Variants in FN1 observed in about 807,000 individuals in gnomAD.
The protein encoded by FN1 is fibronectin 1.
In FN1, 106 loss-of-function variants were observed where a neutral mutation model predicts 297.3. That is an observed-to-expected ratio of 0.36 (90% CI 0.30 to 0.42). FN1 has a LOEUF of 0.42. Ranked by LOEUF, FN1 falls within the 10% of genes least tolerant of loss-of-function variation. FN1 has a pLI of 1.00. For synonymous variants in FN1, 1,149 were observed against 1,152.6 expected, an observed-to-expected ratio of 1.00 and a Z score of 0.06; for missense variants, 2,690 against 3,124.9, an observed-to-expected ratio of 0.86 and a Z score of 3.32.
Position 215,433,455 on chromosome 2 carries a change from T to A in FN1, c.284A>T (p.Glu95Val), listed in dbSNP as rs767479986. The change falls in exon 3 of 46, where the codon GAG becomes GTG. Residue 95 changes from glutamate to valine, a missense_variant. Physicochemically the swap from Glu to Val is moderately radical, Grantham distance 121 (BLOSUM62 -2). Around this residue, in one of 3 missense-constraint regions of FN1, gnomAD observed 876 missense variants for 1,058.1 expected, o/e 0.83. Coordinates refer to ENST00000354785, the MANE Select transcript of FN1 (RefSeq NM_212482.4). ...CCCAGTGTACTTGTCAAAGCAAGTC[T>A]CTTCAGCTGAGGGGAAAAGGAAAGT... is the stretch of plus-strand genomic sequence containing the variant. ...FNCESKPEAE[E>V]TCFDKYTGNT... 8 of 1,614,070 alleles carry A rather than the reference T, an allele frequency of 5.0e-6. No individual in the cohort carries two copies. The highest frequency in any genetic ancestry group is 6.8e-6 in the Non-Finnish European group (8 of 1,179,970).
rs374120880 is a variant in FN1, at chr2:215,399,502, A to G, written c.3254-151T>C. On this transcript the variant is annotated intron_variant, in intron 20 of 45. Coordinates refer to ENST00000354785, the MANE Select transcript of FN1 (RefSeq NM_212482.4). Reference sequence around the variant, plus strand: ...ATTTTTTCATTGGGTGAGAATTGGGAGAGGATCAGGCTTCTCAATCTTTAA... The same window carrying G: ...ATTTTTTCATTGGGTGAGAATTGGGGGAGGATCAGGCTTCTCAATCTTTAA... 8.1e-5 allele frequency: 53 copies of G among 655,626 alleles called. 1 individual carries two copies. Among genetic ancestry groups the G allele is most frequent in the South Asian group, 7.8e-4 (46 of 58,906 alleles). 40.6% of individuals were successfully genotyped at this position (655,626 alleles called of 1,614,324 possible).
chr2:215,363,448 A>G (rs901454484), intron 44 of FN1: 4 of 152,214 alleles, frequency 2.6e-5, no homozygotes, highest in Non-Finnish European at 5.9e-5. Context: ...ATTCTCCTCC[A>G]TCAGAATTGG....
At chr2:215,420,548 T>C in intron 11 of FN1, 125 bp downstream of exon 11, 1 of 1,232,340 alleles carries the variant, frequency 8.1e-7, no homozygotes, top group South Asian at 1.2e-5. Context: ...TGCAAAGTTC[T>C]TTGCAAGCAA....
Position 215,428,193 on chromosome 2 carries a change from C to G in FN1, c.831G>C (p.Gln277His). Residue 277 changes from glutamine to histidine, a missense_variant, in exon 6 of 46, where the codon CAG becomes CAC. Gln to His is a conservative substitution (Grantham distance 24). Coordinates refer to ENST00000354785, the MANE Select transcript of FN1 (RefSeq NM_212482.4). ...CCTGTGCCTCACCGCTCGATGTGGTCTGCACAGAGGTGTGCCTCTCACACT... is the reference window on the plus strand; with the variant it reads ...CCTGTGCCTCACCGCTCGATGTGGTGTGCACAGAGGTGTGCCTCTCACACT... ...EWKCERHTSV[Q>H]TTSSGSGPFT... 2 of 1,614,144 alleles carry G rather than the reference C, an allele frequency of 1.2e-6. No homozygotes were observed. The highest frequency in any genetic ancestry group is 1.7e-6 in the Non-Finnish European group (2 of 1,180,052).
intron 8 of FN1, 62 bp downstream of exon 8, chr2:215,424,084 A>G: frequency 6.5e-7 from 1 of 1,535,050 alleles, no homozygotes; most frequent in Non-Finnish European, 9.0e-7. Context: ...ATGCTGGCAA[A>G]TAAAACTAGG....
intron 6 of FN1, among the ~76,000 whole-genome samples, chr2:215,427,097 G>C (rs1559587654): frequency 6.6e-6 from 1 of 152,032 alleles, no homozygotes; most frequent in African/African-American, 2.4e-5. Flanking sequence ...GGATGGTCTT[G>C]ATCTCCTGAC....
At position 215,381,932 on chromosome 2, in the gene FN1, G is replaced by C. The variant is rs2058276984; in HGVS notation, c.5164+280C>G. 12 of 399,298 alleles carry C rather than the reference G, an allele frequency of 3.0e-5. No individual in the cohort carries two copies. In the Middle Eastern group the frequency reaches 2.4e-3, roughly 81 times the overall value. The allele number at this position is 399,298 out of a possible 1,614,324, so 24.7% of individuals were successfully genotyped here. On this transcript the variant is annotated intron_variant, in intron 32 of 45. Transcript: ENST00000354785. ...AGACGGTCTAGGAAAATTTTTTGTAGATTTGCTATAGGCAAATAAGATTTC... is the reference window on the plus strand; with the variant it reads ...AGACGGTCTAGGAAAATTTTTTGTACATTTGCTATAGGCAAATAAGATTTC...
Position 215,384,902 on chromosome 2 carries a change from C to G in FN1, c.4687G>C (p.Ala1563Pro). 1 of 1,613,912 alleles carries G rather than the reference C, an allele frequency of 6.2e-7. No homozygotes were observed. The highest frequency in any genetic ancestry group is 8.5e-7 in the Non-Finnish European group (1 of 1,179,850). ...ATCCTGTAATATCTCACTGTGACAG[C>G]AGGAGCATCCCAGCTGATCAGTAGG... is the stretch of plus-strand genomic sequence containing the variant. ...TSLLISWDAP[A>P]VTVRYYRITY... The change falls in exon 29 of 46, where the codon GCT becomes CCT. Residue 1563 changes from alanine (A) to proline (P), a missense_variant. Ala to Pro is a conservative substitution (Grantham distance 27). Coordinates refer to ENST00000354785, the MANE Select transcript of FN1 (RefSeq NM_212482.4).
intron 28 of FN1, among the ~76,000 whole-genome samples, 155 bp downstream of exon 28, chr2:215,386,534 T>G (rs1311804286): frequency 2.0e-5 from 3 of 151,046 alleles, no homozygotes; most frequent in Non-Finnish European, 4.4e-5. Flanking sequence ...CCACATTTTC[T>G]CACTTCCCTC....
At chr2:215,376,942 G>A (rs768465566) in intron 35 of FN1, among the ~76,000 whole-genome samples, 3 of 151,998 alleles carry the variant, frequency 2.0e-5, no homozygotes, top group Non-Finnish European at 4.4e-5. Context: ...TGGCTTTATA[G>A]TATCTACAAA....
In FN1 at chr2:215,380,962, C is replaced by A. The variant is rs777360922; in HGVS notation, c.5283G>T (p.Glu1761Asp). The A allele has an allele frequency of 1.2e-6, 2 of 1,614,240 alleles. No individual in the cohort carries two copies. The highest frequency in any genetic ancestry group is 2.2e-5 in the South Asian group (2 of 91,088). Residue 1761 changes from glutamate (E) to aspartate (D), a missense_variant, in exon 33 of 46, where the codon GAG becomes GAT. Glu to Asp is a conservative substitution (Grantham distance 45, BLOSUM62 2). This residue lies in a region of FN1 where 1,743 missense variants were observed against 1,945.2 expected (regional missense o/e 0.90). Transcript: ENST00000354785. The part of the protein sequence containing the change: ...SRYRVTYSSP[E>D]DGIHELFPAP... Reference sequence around the variant, plus strand: ...CAGGGAATAGCTCATGGATTCCATCCTCAGGGCTCGAGTAGGTCACCCTGT... The same window carrying A: ...CAGGGAATAGCTCATGGATTCCATCATCAGGGCTCGAGTAGGTCACCCTGT...
At chr2:215,421,963 A>G in intron 10 of FN1, 128 bp downstream of exon 10, 1 of 890,330 alleles carries the variant, frequency 1.1e-6, no homozygotes, top group South Asian at 1.4e-5. Context: ...TGCACAGTAG[A>G]CTAATGAATG....
chr2:215,406,660 G>T, intron 18 of FN1, 150 bp from the exon 19 acceptor site: 1 of 806,922 alleles, frequency 1.2e-6, no homozygotes, highest in Admixed American at 2.1e-5. Context: ...CATTTTCATG[G>T]TCCAGTCATA....
chr2:215,433,765 T>C (rs966641040), intron 2 of FN1, among the ~76,000 whole-genome samples: 14 of 152,224 alleles, frequency 9.2e-5, no homozygotes, highest in Non-Finnish European at 1.8e-4. Context: ...GGGTTTCACA[T>C]TCCAATCTCT....
intron 39 of FN1, 51 bp downstream of exon 39, chr2:215,373,271 G>A (rs763909474): frequency 7.2e-7 from 1 of 1,397,594 alleles, no homozygotes; most frequent in Non-Finnish European, 1.0e-6. Context: ...TTGCTCATTT[G>A]TTATTAGTTT....
intron 20 of FN1, 140 bp downstream of exon 20, chr2:215,404,249 G>T: frequency 1.1e-6 from 1 of 875,320 alleles, no homozygotes; most frequent in Non-Finnish European, 1.8e-6. Flanking sequence ...GCCAGTCTAT[G>T]GAGCACATTT....
intron 21 of FN1, 86 bp from the exon 22 acceptor site, chr2:215,397,934 T>C: frequency 1.6e-5 from 19 of 1,160,168 alleles, no homozygotes; most frequent in Non-Finnish European, 2.3e-5. Context: ...ATGCTTTAAA[T>C]AGTGTAAACT....
chr2:215,398,818 C>G (rs1467851907), intron 21 of FN1, among the ~76,000 whole-genome samples: 1 of 152,190 alleles, frequency 6.6e-6, no homozygotes, highest in African/African-American at 2.4e-5. Flanking sequence ...GTGCTTTGAA[C>G]AGTTGGAGAT....
At chr2:215,384,270 A>G (rs1298743952) in intron 29 of FN1, 86 bp from the exon 30 acceptor site, 1 of 1,297,450 alleles carries the variant, frequency 7.7e-7, no homozygotes, top group South Asian at 1.2e-5. Flanking sequence ...CATTTATAGC[A>G]GCATGTAAAT....
Sources: allele counts gnomAD v4.1 joint callset (sites outside exome capture counted in the v4.1 genomes callset), GRCh38; gene constraint gnomAD v4.1.1; regional missense constraint gnomAD v4.1.1; transcripts MANE v1.5; gene names NCBI Gene and HGNC (gene_info 2026-07-23, HGNC 2026-07-21).